Variants in GFPT1 observed in about 807,000 individuals in gnomAD.
GFPT1 encodes glutamine--fructose-6-phosphate aminotransferase [isomerizing] 1.
GFPT1 carries 40 observed loss-of-function variants against 92.0 expected under a neutral mutation model. The observed-to-expected ratio is 0.43, with a 90% confidence interval of 0.34 to 0.57. GFPT1 has a LOEUF of 0.57. Ranked by LOEUF, GFPT1 falls within the 20% of genes least tolerant of loss-of-function variation. The pLI, the probability that GFPT1 is intolerant of heterozygous loss-of-function variation, is 0.02. For synonymous variants in GFPT1, 269 were observed against 280.6 expected (o/e 0.96, Z 0.41); for missense variants, 448 against 869.1 (o/e 0.52, Z 6.09).
At chr2:69,348,450 T>C (rs898138451) in intron 10 of GFPT1, 116 bp from the exon 11 acceptor site, 8 of 859,458 alleles carry the variant, frequency 9.3e-6, no homozygotes, top group Non-Finnish European at 1.6e-5. Flanking sequence ...CTCTGCAGTA[T>C]CTCAGAGAAT....
intron 1 of GFPT1, among the ~76,000 whole-genome samples, chr2:69,376,284 G>A (rs1243347138): frequency 2.0e-5 from 3 of 152,326 alleles, no homozygotes; most frequent in Admixed American, 1.3e-4. Flanking sequence ...TAAGGCAGGC[G>A]CATCACCTGA....
chr2:69,386,276 G>T (rs1672127006), intron 1 of GFPT1, among the ~76,000 whole-genome samples: 1 of 152,202 alleles, frequency 6.6e-6, no homozygotes, highest in Non-Finnish European at 1.5e-5. Context: ...AAAGATATTT[G>T]CTCAACTTTC....
Position 69,374,132 on chromosome 2 carries a change from T to G in GFPT1, c.8-19A>C. On this transcript the variant is annotated intron_variant, in intron 1 of 19. Coordinates refer to ENST00000357308, the MANE Select transcript of GFPT1 (RefSeq NM_001244710.2). ...AATATACCTGCAAATAAACAAATATTTAATGAAAAATTCTGATTTAAAAAA... is the reference window on the plus strand; with the variant it reads ...AATATACCTGCAAATAAACAAATATGTAATGAAAAATTCTGATTTAAAAAA... 8.5e-7 allele frequency: 1 copy of G among 1,179,328 alleles called. No individual in the cohort carries two copies. Among genetic ancestry groups the G allele is most frequent in the Non-Finnish European group, 1.3e-6 (1 of 790,492 alleles). The allele number at this position is 1,179,328 out of a possible 1,614,324, so 73.1% of individuals were successfully genotyped here.
intron 15 of GFPT1, among the ~76,000 whole-genome samples, chr2:69,336,355 A>G (rs1670798660): frequency 6.7e-6 from 1 of 148,958 alleles, no homozygotes; most frequent in East Asian, 2.0e-4. Context: ...AAAAAAAAAA[A>G]AGAAAAAGAA....
At chr2:69,375,393 C>G (rs1338136687) in intron 1 of GFPT1, among the ~76,000 whole-genome samples, 1 of 152,164 alleles carries the variant, frequency 6.6e-6, no homozygotes, top group East Asian at 1.9e-4. Flanking sequence ...AGAGTGTGAT[C>G]CTACTGAAAT....
At chr2:69,356,326 G>A (rs1259612433) in intron 7 of GFPT1, among the ~76,000 whole-genome samples, 170 bp downstream of exon 7, 1 of 152,106 alleles carries the variant, frequency 6.6e-6, no homozygotes, top group East Asian at 1.9e-4. Flanking sequence ...TCTGTTAAAT[G>A]GAAGAGTGGT....
At chr2:69,362,242 C>T (rs1045389568) in intron 4 of GFPT1, among the ~76,000 whole-genome samples, 1 of 152,048 alleles carries the variant, frequency 6.6e-6, no homozygotes, top group Non-Finnish European at 1.5e-5. Flanking sequence ...GATCCTCCTG[C>T]CTTAGCCTCC....
In GFPT1 at chr2:69,326,215, G is replaced by C. The variant is rs1670527366; in HGVS notation, c.2074C>G (p.Leu692Val). ...CACTCTACAGTCACAGATTTGGCAA[G>C]ATTCCGTGGGAAATCAACCTGCAAA... ...RGYDVDFPRNLAKSVTVE is the reference protein window; with the variant it reads ...RGYDVDFPRNVAKSVTVE Residue 692 changes from leucine (L) to valine (V), a missense_variant, in exon 20 of 20, where the codon CTT becomes GTT. Leu to Val is a conservative substitution (Grantham distance 32). This residue lies in a region of GFPT1 where 55 missense variants were observed against 98.8 expected (regional missense o/e 0.56). Coordinates refer to ENST00000357308, the MANE Select transcript of GFPT1 (RefSeq NM_001244710.2). 6.3e-7 allele frequency: 1 copy of C among 1,591,148 alleles called. No individual in the cohort carries two copies. The highest frequency in any genetic ancestry group is 1.1e-5 in the South Asian group (1 of 90,300).
intron 1 of GFPT1, among the ~76,000 whole-genome samples, chr2:69,384,058 G>T (rs1672069689): frequency 6.6e-6 from 1 of 152,016 alleles, no homozygotes; most frequent in African/African-American, 2.4e-5. Flanking sequence ...CAAAAATAAT[G>T]CAAATAAAAA....
intron 4 of GFPT1, among the ~76,000 whole-genome samples, chr2:69,361,558 T>TTTC (rs1269474711): frequency 6.6e-6 from 1 of 152,170 alleles, no homozygotes; most frequent in African/African-American, 2.4e-5. Context: ...AGATGTAAGT[T>TTTC]TTCGGGAATC....
intron 12 of GFPT1, among the ~76,000 whole-genome samples, chr2:69,345,047 A>G (rs1671051422): frequency 6.6e-6 from 1 of 151,896 alleles, no homozygotes; most frequent in South Asian, 2.1e-4. Context: ...ATTTACTGCT[A>G]CTCTCCCAGT....
intron 3 of GFPT1, 87 bp from the exon 4 acceptor site, chr2:69,363,757 T>C (rs2104666223): frequency 2.2e-6 from 2 of 915,076 alleles, no homozygotes; most frequent in Non-Finnish European, 3.5e-6. Context: ...ATTATTACAA[T>C]GCTGCTCTCT....
intron 12 of GFPT1, among the ~76,000 whole-genome samples, chr2:69,343,374 C>T (rs1671002090): frequency 6.6e-6 from 1 of 151,944 alleles, no homozygotes; most frequent in African/African-American, 2.4e-5. Flanking sequence ...GAACCATTTT[C>T]AGTCTGTCTA....
At chr2:69,386,944 C>T (rs996255562) in intron 1 of GFPT1, 121 bp downstream of exon 1, 270 of 814,980 alleles carry the variant, frequency 3.3e-4, no homozygotes, top group Non-Finnish European at 7.3e-5. Flanking sequence ...GCCCCTTGCC[C>T]ATCACCCAGA....
rs1364334084 is a variant in GFPT1 at position 69,320,024 on chromosome 2, C to T, written c.*6165G>A. ...TAATTGTCTCAGATATCTTCCATCTCCTTATGGGCATTACTTGAAGATAAC... is the reference window on the plus strand; with the variant it reads ...TAATTGTCTCAGATATCTTCCATCTTCTTATGGGCATTACTTGAAGATAAC... On this transcript the variant is annotated 3_prime_UTR_variant, in exon 20 of 20. Transcript: ENST00000357308. 2 of 152,180 alleles carry T rather than the reference C, an allele frequency of 1.3e-5. No homozygotes were observed. The highest frequency in any genetic ancestry group is 2.9e-5 in the Non-Finnish European group (2 of 68,026). The allele number at this position is 152,180 out of a possible 1,614,324, so 9.4% of individuals were successfully genotyped here.
At chr2:69,341,943 A>G (rs1310905001) in intron 13 of GFPT1, among the ~76,000 whole-genome samples, 3 of 152,176 alleles carry the variant, frequency 2.0e-5, no homozygotes, top group African/African-American at 4.8e-5. Flanking sequence ...GTCTATCTGT[A>G]TATCTAGGGA....
At chr2:69,334,948 A>G (rs1670756231) in intron 15 of GFPT1, among the ~76,000 whole-genome samples, 1 of 152,218 alleles carries the variant, frequency 6.6e-6, no homozygotes, top group African/African-American at 2.4e-5. Flanking sequence ...TGTACACTTA[A>G]AATTGGTGAA....
At chr2:69,370,815 T>C (rs1471220354) in intron 2 of GFPT1, among the ~76,000 whole-genome samples, 3 of 152,054 alleles carry the variant, frequency 2.0e-5, no homozygotes, top group African/African-American at 7.2e-5. Flanking sequence ...GTTGAATGGC[T>C]TGAAGGACTT....
intron 18 of GFPT1, 58 bp from the exon 19 acceptor site, chr2:69,327,133 A>C: frequency 6.5e-7 from 1 of 1,545,850 alleles, no homozygotes; most frequent in Non-Finnish European, 8.9e-7. Context: ...GCAGGGCTAT[A>C]GCTTACGAAT....
Sources: gnomAD v4.1 joint callset for allele counts (sites outside exome capture counted in the v4.1 genomes callset) on GRCh38, gnomAD v4.1.1 for gene constraint, gnomAD v4.1.1 regional missense constraint, MANE v1.5 for transcripts, NCBI Gene and HGNC (gene_info 2026-07-23, HGNC 2026-07-21) for gene names.